CADPS2: variants seen among roughly 807,000 people sequenced by gnomAD.
CADPS2 encodes the protein calcium dependent secretion activator 2, also known as calcium-dependent secretion activator 2.
Under a neutral mutation model 172.5 loss-of-function variants are expected in CADPS2, and 93 were observed. The observed-to-expected ratio is 0.54, with a 90% confidence interval of 0.46 to 0.64. CADPS2 has a LOEUF of 0.64. Ranked by LOEUF, CADPS2 falls within the 30% of genes least tolerant of loss-of-function variation. The pLI, the probability that CADPS2 is intolerant of heterozygous loss-of-function variation, is 0.00. For missense variants in CADPS2, 1,420 were observed against 1,565.9 expected, an observed-to-expected ratio of 0.91 and a Z score of 1.57; for synonymous variants, 546 against 555.2, an observed-to-expected ratio of 0.98 and a Z score of 0.23.
intron 7 of CADPS2, among the ~76,000 whole-genome samples, chr7:122,562,846 T>G (rs1053582615): frequency 5.3e-5 from 8 of 152,170 alleles, no homozygotes; most frequent in Non-Finnish European, 1.0e-4. Context: ...TGTATTAATG[T>G]AGTTAAAGTT....
At chr7:122,661,636 A>C (rs909668996) in intron 3 of CADPS2, among the ~76,000 whole-genome samples, 2 of 152,208 alleles carry the variant, frequency 1.3e-5, no homozygotes, top group Non-Finnish European at 2.9e-5. Context: ...CCATCCTCAG[A>C]ATAAAAAGCT....
At chr7:122,884,525 C>A (rs1429291383) in intron 1 of CADPS2, among the ~76,000 whole-genome samples, 2 of 152,146 alleles carry the variant, frequency 1.3e-5, no homozygotes, top group African/African-American at 4.8e-5. Context: ...GTCTCCCTAC[C>A]ATTCTGTGAC....
chr7:122,664,243 A>C (rs2080939093), intron 2 of CADPS2, among the ~76,000 whole-genome samples: 1 of 152,080 alleles, frequency 6.6e-6, no homozygotes, highest in South Asian at 2.1e-4. Flanking sequence ...AATATTCATC[A>C]TATGTAATTT....
At chr7:122,442,708 T>C (rs1201167840) in intron 15 of CADPS2, among the ~76,000 whole-genome samples, 1 of 152,206 alleles carries the variant, frequency 6.6e-6, no homozygotes, top group Non-Finnish European at 1.5e-5. Context: ...TATATTAGGA[T>C]TGGATTTTAT....
At chr7:122,561,874 C>T (rs190855353) in intron 7 of CADPS2, among the ~76,000 whole-genome samples, 160 of 152,126 alleles carry the variant, frequency 1.1e-3, no homozygotes, top group Non-Finnish European at 2.0e-3. Flanking sequence ...TAAACACTCA[C>T]CAAGTATTTG....
intron 1 of CADPS2, among the ~76,000 whole-genome samples, chr7:122,842,040 C>G (rs1248424589): frequency 1.3e-5 from 2 of 152,164 alleles, no homozygotes; most frequent in African/African-American, 4.8e-5. Context: ...GTTGTTACCT[C>G]CTAGGCTGGA....
chr7:122,508,379 T>C (rs992710989), intron 9 of CADPS2, among the ~76,000 whole-genome samples: 3 of 151,092 alleles, frequency 2.0e-5, no homozygotes, highest in Admixed American at 1.3e-4. Flanking sequence ...ACTTAAATGT[T>C]CAAAGAAGGA....
chr7:122,436,223 T>A (rs1348218585), intron 17 of CADPS2: 1 of 390,340 alleles, frequency 2.6e-6, no homozygotes, highest in East Asian at 1.1e-4. Context: ...TTCACAGCTA[T>A]TTACCTCCAA....
chr7:122,379,258 C>G, intron 25 of CADPS2, 110 bp downstream of exon 25: 1 of 670,406 alleles, frequency 1.5e-6, no homozygotes, highest in Non-Finnish European at 2.4e-6. Context: ...TTTTCCTGCC[C>G]TAATCTTTTA....
At chr7:122,566,275 T>C (rs1201080687) in intron 7 of CADPS2, among the ~76,000 whole-genome samples, 1 of 151,940 alleles carries the variant, frequency 6.6e-6, no homozygotes, top group Admixed American at 6.6e-5. Context: ...TAAGCATTGG[T>C]GAGGATGTGG....
intron 1 of CADPS2, among the ~76,000 whole-genome samples, chr7:122,873,304 T>A (rs565590888): frequency 1.5e-4 from 23 of 152,294 alleles, no homozygotes; most frequent in African/African-American, 5.5e-4. Flanking sequence ...GTATTTCTCA[T>A]AATGCTCTCC....
At chr7:122,437,389 A>G (rs912133980) in intron 17 of CADPS2, among the ~76,000 whole-genome samples, 4 of 152,196 alleles carry the variant, frequency 2.6e-5, no homozygotes, top group African/African-American at 9.6e-5. Context: ...AGGAATAATA[A>G]CACAAACAAT....
chr7:122,703,596 G>A (rs896522384), intron 2 of CADPS2, among the ~76,000 whole-genome samples: 5 of 152,186 alleles, frequency 3.3e-5, no homozygotes, highest in East Asian at 1.9e-4. Flanking sequence ...AAATAGAGAC[G>A]GCCCTACTCT....
chr7:122,548,210 T>A (rs949168635), intron 8 of CADPS2, among the ~76,000 whole-genome samples: 2 of 151,594 alleles, frequency 1.3e-5, no homozygotes, highest in East Asian at 2.0e-4. Flanking sequence ...TCTATAAAAA[T>A]TTTTTTAAAA....
chr7:122,811,680 T>C (rs927268175), intron 1 of CADPS2, among the ~76,000 whole-genome samples: 1 of 152,122 alleles, frequency 6.6e-6, no homozygotes, highest in Admixed American at 6.5e-5. Context: ...ACGACAGACA[T>C]GTATAATGGT....
intron 1 of CADPS2, among the ~76,000 whole-genome samples, chr7:122,836,755 C>T (rs1808578418): frequency 6.6e-6 from 1 of 152,176 alleles, no homozygotes; most frequent in Non-Finnish European, 1.5e-5. Flanking sequence ...GCACCCAATA[C>T]AGGAGCACCC....
intron 25 of CADPS2, among the ~76,000 whole-genome samples, chr7:122,363,347 G>A (rs1485381523): frequency 6.6e-6 from 1 of 152,176 alleles, no homozygotes; most frequent in Non-Finnish European, 1.5e-5. Context: ...GGAGGCTGTA[G>A]CCCAGCACCT....
intron 8 of CADPS2, among the ~76,000 whole-genome samples, chr7:122,517,763 T>C (rs1488301306): frequency 6.6e-6 from 1 of 151,938 alleles, no homozygotes; most frequent in South Asian, 2.1e-4. Flanking sequence ...GAATTTAGAG[T>C]AGTCTAAATT....
At chr7:122,422,540 C>G (rs2048648678) in intron 17 of CADPS2, among the ~76,000 whole-genome samples, 1 of 152,170 alleles carries the variant, frequency 6.6e-6, no homozygotes, top group African/African-American at 2.4e-5. Flanking sequence ...ACATTACACA[C>G]TCTCACACAC....
Sources: gnomAD v4.1 joint callset for allele counts (sites outside exome capture counted in the v4.1 genomes callset) on GRCh38, gnomAD v4.1.1 for gene constraint, MANE v1.5 for transcripts, NCBI Gene and HGNC (gene_info 2026-07-23, HGNC 2026-07-21) for gene names.